Variants in TPD52 observed in about 807,000 individuals in gnomAD.
TPD52 encodes prostate and colon associated protein.
A neutral mutation model predicts 31.3 loss-of-function variants in TPD52; 17 were observed. The ratio of observed to expected loss-of-function variants is 0.54; its 90% CI spans 0.37 to 0.82. The LOEUF (loss-of-function observed/expected upper bound fraction) is 0.82. TPD52 is among the 40% of genes least tolerant of loss of function. The probability of loss-of-function intolerance (pLI) is 0.00; values close to 1 mark genes in which losing one functional copy is unlikely to be tolerated. For synonymous variants in TPD52, 83 were observed against 89.6 expected (o/e 0.93, Z 0.42); for missense variants, 212 against 240.1 (o/e 0.88, Z 0.77).
chr8:80,084,078 A>G (rs1422150607), intron 1 of TPD52, among the ~76,000 whole-genome samples: 3 of 152,184 alleles, frequency 2.0e-5, no homozygotes, highest in African/African-American at 4.8e-5. Context: ...ACCCTACTTG[A>G]GACCCAGGTG....
Position 80,037,568 on chromosome 8 carries a change from C to A in TPD52, c.*548G>T, listed in dbSNP as rs1809996297. 1 of 152,136 alleles carries A rather than the reference C, an allele frequency of 6.6e-6. No individual in the cohort carries two copies. Among genetic ancestry groups the A allele is most frequent in the Non-Finnish European group, 1.5e-5 (1 of 68,060 alleles). The allele number at this position is 152,136 out of a possible 1,614,324, so 9.4% of individuals were successfully genotyped here. A position where few individuals can be genotyped will look rare whatever the true frequency, so the allele number is the denominator to read the frequency against. ...GTTTACTTCAGTCTGGTGTCTTCAA[C>A]CAAAATATGTACCTTATACCAAAAC... is the stretch of plus-strand genomic sequence containing the variant. On this transcript the variant is annotated 3_prime_UTR_variant, in exon 8 of 8. Coordinates refer to ENST00000518937, the MANE Select transcript of TPD52 (RefSeq NM_001025253.3).
At chr8:80,167,582 G>A (rs1484830604) in intron 1 of TPD52, among the ~76,000 whole-genome samples, 1 of 152,168 alleles carries the variant, frequency 6.6e-6, no homozygotes, top group Non-Finnish European at 1.5e-5. Flanking sequence ...CCTGGATGGG[G>A]TGGGTCACAC....
intron 1 of TPD52, among the ~76,000 whole-genome samples, chr8:80,152,244 G>A (rs561218650): frequency 4.6e-5 from 7 of 152,260 alleles, no homozygotes; most frequent in Non-Finnish European, 7.4e-5. Context: ...AGAGCTGACC[G>A]GGGAGAGAGG....
intron 1 of TPD52, among the ~76,000 whole-genome samples, chr8:80,169,523 A>C (rs1198376808): frequency 1.3e-5 from 2 of 152,226 alleles, no homozygotes; most frequent in Non-Finnish European, 2.9e-5. Context: ...CAGTGCTACC[A>C]ATGACTGTTG....
chr8:80,076,640 C>T (rs1007452369), intron 1 of TPD52, among the ~76,000 whole-genome samples: 11 of 151,954 alleles, frequency 7.2e-5, no homozygotes, highest in Admixed American at 2.6e-4. Context: ...TATAAGAAGC[C>T]TGTACATGCA....
intron 1 of TPD52, among the ~76,000 whole-genome samples, chr8:80,096,291 AACACACACACAC>A (rs34309218): frequency 6.8e-6 from 1 of 146,814 alleles, no homozygotes; most frequent in African/African-American, 2.6e-5. Flanking sequence ...CACACACACA[AACACACACACAC>A]ACACACACAC....
chr8:80,097,783 T>C (rs928483805), intron 1 of TPD52, among the ~76,000 whole-genome samples: 1 of 152,150 alleles, frequency 6.6e-6, no homozygotes, highest in Non-Finnish European at 1.5e-5. Flanking sequence ...AAACAACAGA[T>C]TGTCTATGTA....
At chr8:80,139,781 A>C (rs1181585485) in intron 1 of TPD52, among the ~76,000 whole-genome samples, 1 of 152,146 alleles carries the variant, frequency 6.6e-6, no homozygotes, top group African/African-American at 2.4e-5. Flanking sequence ...AATCAAATAA[A>C]ATACAACGGC....
chr8:80,160,724 T>C (rs1811286639), intron 1 of TPD52, among the ~76,000 whole-genome samples: 2 of 151,978 alleles, frequency 1.3e-5, no homozygotes, highest in Non-Finnish European at 1.5e-5. Flanking sequence ...CATCCATGTC[T>C]CCTAGGCTCA....
intron 2 of TPD52, among the ~76,000 whole-genome samples, chr8:80,061,909 G>A (rs981561869): frequency 3.3e-5 from 5 of 152,128 alleles, no homozygotes; most frequent in Non-Finnish European, 5.9e-5. Flanking sequence ...TTTGTACATT[G>A]CTAAAGTAAA....
intron 1 of TPD52, among the ~76,000 whole-genome samples, chr8:80,081,255 A>G (rs1815255858): frequency 6.7e-6 from 1 of 148,194 alleles, no homozygotes. Context: ...GGGTATTCCC[A>G]CACCTTCTTT....
intron 1 of TPD52, among the ~76,000 whole-genome samples, chr8:80,087,594 G>A (rs901600927): frequency 1.3e-5 from 2 of 152,250 alleles, no homozygotes; most frequent in Admixed American, 6.5e-5. Context: ...AATCACGGGG[G>A]CAGGGCCTAA....
intron 2 of TPD52, among the ~76,000 whole-genome samples, chr8:80,058,268 A>C (rs1272369294): frequency 3.3e-5 from 5 of 152,234 alleles, no homozygotes; most frequent in Non-Finnish European, 5.9e-5. Context: ...TAATTAAAGA[A>C]GTGCATAAAA....
intron 2 of TPD52, among the ~76,000 whole-genome samples, chr8:80,057,254 G>T (rs2130601559): frequency 6.6e-6 from 1 of 152,232 alleles, no homozygotes; most frequent in Middle Eastern, 3.4e-3. Flanking sequence ...ATTCATAACA[G>T]TCCTAAAGTT....
At chr8:80,079,825 A>T (rs1479738309) in intron 1 of TPD52, among the ~76,000 whole-genome samples, 5 of 27,024 alleles carry the variant, frequency 1.9e-4, no homozygotes, top group Admixed American at 8.3e-4. Flanking sequence ...TTTTTCTTTA[A>T]AAAAAAAAAA....
intron 1 of TPD52, among the ~76,000 whole-genome samples, chr8:80,138,090 T>C (rs942434153): frequency 5.3e-5 from 8 of 152,178 alleles, no homozygotes; most frequent in Admixed American, 4.6e-4. Context: ...ATTACAGACA[T>C]GCGCCACCAC....
chr8:80,033,347 T>G (rs1809742638), downstream of TPD52: 1 of 151,630 alleles, frequency 6.6e-6, no homozygotes, highest in Admixed American at 6.6e-5. Context: ...GGGGGTTGTT[T>G]CAGCCCGTTT....
intron 1 of TPD52, among the ~76,000 whole-genome samples, chr8:80,162,295 A>T (rs73252134): frequency 0.017 from 2,659 of 152,334 alleles, 81 homozygotes; most frequent in African/African-American, 0.059. Flanking sequence ...TGAAAGATCC[A>T]ACATAACCAA....
chr8:80,147,323 G>A (rs1863440), intron 1 of TPD52, among the ~76,000 whole-genome samples: 96,529 of 151,998 alleles, frequency 0.64, 31,894 homozygotes, highest in African/African-American at 0.83. Context: ...TCGCTGACGG[G>A]ATAGGAGAAT....
Sources: allele counts gnomAD v4.1 joint callset (sites outside exome capture counted in the v4.1 genomes callset), GRCh38; gene constraint gnomAD v4.1.1; transcripts MANE v1.5; gene names NCBI Gene and HGNC (gene_info 2026-07-23, HGNC 2026-07-21).